NDUFAF2: variants seen among roughly 807,000 people sequenced by gnomAD.
NDUFAF2 encodes the protein NADH:ubiquinone oxidoreductase complex assembly factor 2.
A neutral mutation model predicts 22.8 loss-of-function variants in NDUFAF2; 13 were observed. The ratio of observed to expected loss-of-function variants is 0.57; its 90% CI spans 0.37 to 0.91. The LOEUF is 0.91. Among genes scored for constraint, NDUFAF2 ranks in the 40% least tolerant of loss-of-function variants. The pLI is 0.01. For missense variants in NDUFAF2, 162 were observed against 195.2 expected, an observed-to-expected ratio of 0.83 and a Z score of 1.01; for synonymous variants, 53 against 64.2, an observed-to-expected ratio of 0.83 and a Z score of 0.84.
chr5:61,081,804 G>T (rs1244575281), intron 2 of NDUFAF2, among the ~76,000 whole-genome samples: 1 of 152,152 alleles, frequency 6.6e-6, no homozygotes, highest in East Asian at 1.9e-4. Context: ...TCATTTATTT[G>T]TTCTTCCTGT....
intron 3 of NDUFAF2, among the ~76,000 whole-genome samples, chr5:61,118,289 A>C (rs1274549991): frequency 2.0e-5 from 3 of 152,176 alleles, no homozygotes; most frequent in Admixed American, 2.0e-4. Flanking sequence ...AGCAAAGCAA[A>C]GAAAGCATCA....
chr5:61,022,178 A>T (rs1426483626), intron 1 of NDUFAF2, among the ~76,000 whole-genome samples: 1 of 152,204 alleles, frequency 6.6e-6, no homozygotes, highest in Admixed American at 6.5e-5. Context: ...GCCCAAACAA[A>T]TTGACAAAAA....
At chr5:60,982,402 T>A (rs535818673) in intron 1 of NDUFAF2, among the ~76,000 whole-genome samples, 4 of 152,260 alleles carry the variant, frequency 2.6e-5, no homozygotes, top group East Asian at 3.9e-4. Context: ...TTTAATTTTT[T>A]AAATTTTTTG....
chr5:61,013,805 A>G (rs185500335), intron 1 of NDUFAF2, among the ~76,000 whole-genome samples: 1 of 152,300 alleles, frequency 6.6e-6, no homozygotes, highest in Admixed American at 6.5e-5. Context: ...AAACAAAGAT[A>G]GAAATTTGGA....
intron 1 of NDUFAF2, among the ~76,000 whole-genome samples, chr5:60,967,441 A>G (rs1164874234): frequency 1.3e-5 from 2 of 151,984 alleles, no homozygotes; most frequent in Non-Finnish European, 2.9e-5. Context: ...AAGAGCTTTC[A>G]ACTTTTTACT....
intron 3 of NDUFAF2, among the ~76,000 whole-genome samples, chr5:61,100,229 T>C (rs1376389970): frequency 1.3e-5 from 2 of 152,178 alleles, no homozygotes; most frequent in African/African-American, 4.8e-5. Context: ...CTCTTGGTCA[T>C]AATAAGAGCT....
At chr5:61,138,425 G>A (rs1008157847) in intron 3 of NDUFAF2, among the ~76,000 whole-genome samples, 6 of 152,188 alleles carry the variant, frequency 3.9e-5, no homozygotes, top group African/African-American at 1.4e-4. Context: ...AGTTGCGTAA[G>A]GGAAGGTGAT....
chr5:61,004,849 A>G (rs1433668870), intron 1 of NDUFAF2, among the ~76,000 whole-genome samples: 1 of 152,140 alleles, frequency 6.6e-6, no homozygotes, highest in Non-Finnish European at 1.5e-5. Flanking sequence ...CTCTTAATCC[A>G]GCAACTGGAA....
At chr5:61,028,331 C>T (rs1421389148) in intron 1 of NDUFAF2, among the ~76,000 whole-genome samples, 2 of 151,988 alleles carry the variant, frequency 1.3e-5, no homozygotes, top group Non-Finnish European at 2.9e-5. Flanking sequence ...TATTAGAAGT[C>T]TGAAATGATG....
chr5:61,149,465 T>A (rs1489248128), intron 3 of NDUFAF2, among the ~76,000 whole-genome samples: 1 of 152,196 alleles, frequency 6.6e-6, no homozygotes, highest in Non-Finnish European at 1.5e-5. Flanking sequence ...GAATTACCCA[T>A]GTGGATTGTC....
intron 2 of NDUFAF2, among the ~76,000 whole-genome samples, chr5:61,096,555 C>T (rs1752643037): frequency 7.0e-6 from 1 of 143,702 alleles, no homozygotes. Flanking sequence ...GCCAAGATTG[C>T]GTCACTGCAC....
intron 1 of NDUFAF2, among the ~76,000 whole-genome samples, chr5:60,983,618 T>G (rs1231762298): frequency 6.6e-6 from 1 of 151,308 alleles, no homozygotes; most frequent in Non-Finnish European, 1.5e-5. Context: ...TTTCTACGTA[T>G]GGCTAGCCAG....
intron 3 of NDUFAF2, among the ~76,000 whole-genome samples, chr5:61,148,136 C>T (rs1312741739): frequency 6.6e-6 from 1 of 152,218 alleles, no homozygotes; most frequent in Non-Finnish European, 1.5e-5. Flanking sequence ...CCAGCTTTCT[C>T]AGGCTCCCTA....
At chr5:61,003,927 A>G (rs1293197272) in intron 1 of NDUFAF2, among the ~76,000 whole-genome samples, 1 of 152,078 alleles carries the variant, frequency 6.6e-6, no homozygotes, top group Non-Finnish European at 1.5e-5. Context: ...TTGGCCTCCC[A>G]AAGTGCTGAG....
intron 2 of NDUFAF2, among the ~76,000 whole-genome samples, chr5:61,081,208 C>A (rs1188719595): frequency 6.6e-6 from 1 of 151,994 alleles, no homozygotes; most frequent in East Asian, 1.9e-4. Flanking sequence ...TGCTGATTGT[C>A]TTGATTACTG....
At chr5:60,958,419 T>C (rs1182966012) in intron 1 of NDUFAF2, among the ~76,000 whole-genome samples, 3 of 152,174 alleles carry the variant, frequency 2.0e-5, no homozygotes, top group Non-Finnish European at 4.4e-5. Context: ...TTTCATTCAT[T>C]TTGTTCTCAG....
intron 1 of NDUFAF2, among the ~76,000 whole-genome samples, chr5:60,982,674 T>C (rs966436959): frequency 6.6e-5 from 10 of 151,522 alleles, no homozygotes; most frequent in African/African-American, 2.4e-4. Context: ...CTTGCGATAG[T>C]TTACTGAGAA....
intron 2 of NDUFAF2, among the ~76,000 whole-genome samples, chr5:61,090,697 T>C (rs1265948385): frequency 6.6e-6 from 1 of 152,250 alleles, no homozygotes; most frequent in East Asian, 1.9e-4. Context: ...AAAAAACTTT[T>C]ATTTTAAGTT....
chr5:60,981,266 A>G (rs957736981), intron 1 of NDUFAF2, among the ~76,000 whole-genome samples: 51 of 152,218 alleles, frequency 3.4e-4, no homozygotes, highest in Non-Finnish European at 1.0e-4. Context: ...CTTACAGGTC[A>G]GGAGACAGTG....
Sources: allele counts gnomAD v4.1 joint callset (sites outside exome capture counted in the v4.1 genomes callset), GRCh38; gene constraint gnomAD v4.1.1; transcripts MANE v1.5; gene names NCBI Gene and HGNC (gene_info 2026-07-23, HGNC 2026-07-21).